The following ZPBP variants were observed in gnomAD, a reference collection of about 807,000 sequenced individuals.
ZPBP encodes zona pellucida-binding protein 1.
A neutral mutation model predicts 44.8 loss-of-function variants in ZPBP; 26 were observed. The ratio of observed to expected loss-of-function variants is 0.58; its 90% CI spans 0.43 to 0.81. ZPBP has a LOEUF of 0.81. ZPBP is among the 30% of genes least tolerant of loss of function. The probability of loss-of-function intolerance (pLI) is 0.00; values close to 1 mark genes in which losing one functional copy is unlikely to be tolerated. For synonymous variants in ZPBP, 174 were observed against 153.2 expected (o/e 1.14, Z -1.00); for missense variants, 409 against 434.0 (o/e 0.94, Z 0.51).
At chr7:49,867,187 A>G (rs866180891) in intron 2 of ZPBP, among the ~76,000 whole-genome samples, 5 of 152,212 alleles carry the variant, frequency 3.3e-5, no homozygotes, top group African/African-American at 7.2e-5. Context: ...CTTTCAGTCA[A>G]CTTCATCTAA....
intron 4 of ZPBP, among the ~76,000 whole-genome samples, chr7:50,054,827 T>C (rs898818665): frequency 1.3e-5 from 2 of 152,266 alleles, no homozygotes; most frequent in East Asian, 1.9e-4. Context: ...TACATAGCTA[T>C]ATATCTCTCA....
At chr7:50,068,152 T>C (rs1293426267) in intron 3 of ZPBP, among the ~76,000 whole-genome samples, 1 of 152,152 alleles carries the variant, frequency 6.6e-6, no homozygotes, top group Admixed American at 6.5e-5. Flanking sequence ...CTTTGTATAA[T>C]GGCTTAGCCA....
chr7:49,858,345 C>T (rs918958919), intron 2 of ZPBP, among the ~76,000 whole-genome samples: 5 of 152,026 alleles, frequency 3.3e-5, no homozygotes, highest in Admixed American at 2.6e-4. Context: ...GAAAATGTGG[C>T]ACATATACAC....
intron 4 of ZPBP, among the ~76,000 whole-genome samples, chr7:50,040,229 G>A (rs1800007290): frequency 6.6e-6 from 1 of 152,170 alleles, no homozygotes; most frequent in South Asian, 2.1e-4. Context: ...ACTATATATT[G>A]TCTACATGAG....
chr7:49,916,497 T>C lies in ZPBP; in HGVS notation n.412-15282A>G, dbSNP rs1793734942. ...TTGTCACTCTATGTCCCAGTAATAG[T>C]ACTAATTTGGTTTCTTATTTTAACA... On this transcript the variant is annotated intron_variant and non_coding_transcript_variant, in intron 1 of 2. Coordinates refer to the ZPBP transcript ENST00000465922. 2.0e-5 allele frequency: 3 copies of C among 152,334 alleles called. No homozygotes were observed. The South Asian group carries it at 6.2e-4, about 32-fold the overall frequency. The allele number at this position is 152,334 out of a possible 1,614,324, so 9.4% of individuals were successfully genotyped here.
chr7:50,091,606 T>C (rs534116828), intron 1 of ZPBP, among the ~76,000 whole-genome samples: 1 of 152,308 alleles, frequency 6.6e-6, no homozygotes, highest in African/African-American at 2.4e-5. Flanking sequence ...CACATACCAT[T>C]TTCCTTATTA....
At chr7:49,978,081 GTT>G (rs34696520) in intron 7 of ZPBP, among the ~76,000 whole-genome samples, 50 of 143,414 alleles carry the variant, frequency 3.5e-4, no homozygotes, top group Middle Eastern at 3.6e-3. Flanking sequence ...TTGGTTTTTT[GTT>G]TTTTTTTTTT....
chr7:50,018,013 ATTC>A (rs1251039602), intron 6 of ZPBP, among the ~76,000 whole-genome samples: 3 of 152,250 alleles, frequency 2.0e-5, no homozygotes, highest in Middle Eastern at 3.4e-3. Context: ...TAGAAAAACC[ATTC>A]TTCTTCATAT....
intron 3 of ZPBP, among the ~76,000 whole-genome samples, chr7:50,072,064 G>A (rs919562447): frequency 4.6e-5 from 7 of 152,188 alleles, no homozygotes; most frequent in Admixed American, 1.3e-4. Flanking sequence ...AGCAACAAGT[G>A]GACTCTCAGG....
rs200316642 is a variant in ZPBP, at chr7:49,983,354, G to A, written c.949C>T (p.Pro317Ser). ...ATTCATTACATACCACAGCACTCAG[G>A]ACATTTTGGATGTTGCTGGACATTC... Reference protein sequence around the residue: ...GMNVQQHPKCPECCVICSPGS... With the variant: ...GMNVQQHPKCSECCVICSPGS... Residue 317 changes from proline to serine, a missense_variant, in exon 7 of 8, where the codon CCT (proline) becomes TCT (serine). Pro to Ser is a moderately conservative substitution (Grantham distance 74). Around this residue, in one of 2 missense-constraint regions of ZPBP, gnomAD observed 42 missense variants for 71.0 expected, o/e 0.59. Coordinates refer to ENST00000046087, the MANE Select transcript of ZPBP (RefSeq NM_007009.3). 3.1e-6 allele frequency: 5 copies of A among 1,613,330 alleles called. No homozygotes were observed. In the African/African-American group the frequency reaches 5.3e-5, roughly 17 times the overall value.
intron 1 of ZPBP, among the ~76,000 whole-genome samples, chr7:49,902,520 AC>A (rs781458692): frequency 1.3e-5 from 2 of 151,476 alleles, no homozygotes; most frequent in Non-Finnish European, 3.0e-5. Flanking sequence ...TGTTTTTTTA[AC>A]AAATGACACT....
At chr7:50,014,869 G>A (rs1798752376) in intron 6 of ZPBP, among the ~76,000 whole-genome samples, 1 of 152,032 alleles carries the variant, frequency 6.6e-6, no homozygotes, top group Non-Finnish European at 1.5e-5. Context: ...GACAATTTCA[G>A]TTACTTAAAT....
At chr7:49,943,576 G>C in intron 7 of ZPBP, 1 of 379,846 alleles carries the variant, frequency 2.6e-6, no homozygotes, top group South Asian at 2.3e-5. Context: ...AAAGGGGTCA[G>C]TAAGACTTGC....
At chr7:50,020,824 G>A (rs1237779220) in intron 5 of ZPBP, among the ~76,000 whole-genome samples, 1 of 152,028 alleles carries the variant, frequency 6.6e-6, no homozygotes, top group East Asian at 1.9e-4. Flanking sequence ...CCAAGTGAAT[G>A]CTAAATCAAC....
intron 7 of ZPBP, among the ~76,000 whole-genome samples, chr7:49,944,984 A>G (rs1795041119): frequency 6.6e-6 from 1 of 152,082 alleles, no homozygotes; most frequent in African/African-American, 2.4e-5. Context: ...GTAGGTGCCT[A>G]TTGCAATAAA....
In ZPBP at chr7:49,862,653, G is replaced by GTT. The variant is rs200190931; in HGVS notation, n.510-12141_510-12140dup. Reference sequence around the variant, plus strand: ...TTCCCTTCTCTTCCTACTTTGATGTGTTTTTTTTTTCATTATAATAGATCA... The same window carrying GTT: ...TTCCCTTCTCTTCCTACTTTGATGTGTTTTTTTTTTTTCATTATAATAGATCA... On this transcript the variant is annotated intron_variant and non_coding_transcript_variant, in intron 2 of 2. Coordinates refer to the ZPBP transcript ENST00000465922. 8.7e-4 allele frequency among the ~76,000 whole-genome samples: 123 copies of GTT among 141,276 alleles called. No individual in the cohort carries two copies. The Middle Eastern group carries it at 0.011, about 13-fold the overall frequency. The allele number at this position is 141,276 out of a possible 152,430, so 92.7% of individuals were successfully genotyped here. A position where few individuals can be genotyped will look rare whatever the true frequency, so the allele number is the denominator to read the frequency against.
intron 7 of ZPBP, among the ~76,000 whole-genome samples, chr7:49,949,763 A>G (rs950075607): frequency 2.6e-5 from 4 of 152,022 alleles, no homozygotes; most frequent in African/African-American, 9.6e-5. Flanking sequence ...TTTAAATTAT[A>G]CATTTAAATA....
downstream of ZPBP, among the ~76,000 whole-genome samples, chr7:49,848,399 G>A (rs1790043317): frequency 6.6e-6 from 1 of 152,198 alleles, no homozygotes; most frequent in African/African-American, 2.4e-5. Context: ...CAGTGTGTGA[G>A]AGCCGGGCAT....
intron 3 of ZPBP, among the ~76,000 whole-genome samples, chr7:50,063,260 A>T (rs1801337358): frequency 6.6e-6 from 1 of 151,926 alleles, no homozygotes; most frequent in African/African-American, 2.4e-5. Flanking sequence ...TCTCAGGGGG[A>T]ATTGGGTTTT....
Sources: gnomAD v4.1 joint callset for allele counts (sites outside exome capture counted in the v4.1 genomes callset) on GRCh38, gnomAD v4.1.1 for gene constraint, gnomAD v4.1.1 regional missense constraint, MANE v1.5 for transcripts, NCBI Gene and HGNC (gene_info 2026-07-23, HGNC 2026-07-21) for gene names.